GTPBP6: variants seen among roughly 807,000 people sequenced by gnomAD.
GTPBP6 encodes putative GTP-binding protein 6.
GTPBP6 carries 33 observed loss-of-function variants against 28.9 expected under a neutral mutation model. That is an observed-to-expected ratio of 1.14 (90% CI 0.87 to 1.53). The LOEUF is 1.53. GTPBP6 is among the 40% of genes most tolerant of loss of function. The probability of loss-of-function intolerance (pLI) is 0.00; values close to 1 mark genes in which losing one functional copy is unlikely to be tolerated. For synonymous variants in GTPBP6, 231 were observed against 192.7 expected (o/e 1.20, Z -1.65); for missense variants, 507 against 408.3 (o/e 1.24, Z -2.08).
chrX:313,697 A>C (rs1393099639), intron 5 of GTPBP6, among the ~76,000 whole-genome samples: 3 of 151,742 alleles, frequency 2.0e-5, no homozygotes, highest in Admixed American at 1.3e-4. Flanking sequence ...ACAGAGGAGG[A>C]GGCCACGTGG....
At chrX:313,010 C>T in intron 5 of GTPBP6, 86 bp from the exon 6 acceptor site, 1 of 1,205,928 alleles carries the variant, frequency 8.3e-7, no homozygotes, top group Non-Finnish European at 1.2e-6. Context: ...CTGCGGGGGC[C>T]CGGGGCCTGC....
chrX:312,691 C>T (rs1171561317), intron 6 of GTPBP6, 75 bp downstream of exon 6: 1 of 1,459,860 alleles, frequency 6.8e-7, no homozygotes, highest in Non-Finnish European at 9.4e-7. Context: ...ACAGGGACCC[C>T]CTGCCCTCCC....
Position 314,074 on chromosome X carries a change from A to G in GTPBP6, c.757+76T>C, listed in dbSNP as rs1876373059. 2.7e-6 allele frequency: 3 copies of G among 1,130,686 alleles called. No individual in the cohort carries two copies. In the South Asian group the frequency reaches 3.8e-5, roughly 14 times the overall value. 70.0% of individuals were successfully genotyped at this position (1,130,686 alleles called of 1,614,324 possible). A position where few individuals can be genotyped will look rare whatever the true frequency, so the allele number is the denominator to read the frequency against. On this transcript the variant is annotated intron_variant, in intron 5 of 9. Transcript: ENST00000326153. The stretch of plus-strand genomic sequence containing the variant: ...GGACCCCACCCTGTTGGAATCTTCC[A>G]GGGCTGAGAAGGGTGGCTGCCGCTG...
At chrX:311,249 C>A (rs1212975676) in intron 7 of GTPBP6, among the ~76,000 whole-genome samples, 170 bp downstream of exon 7, 1 of 84,956 alleles carries the variant, frequency 1.2e-5, no homozygotes, top group Non-Finnish European at 2.5e-5. Flanking sequence ...GTCCCCGTGC[C>A]CAGTGGGTGT....
At chrX:305,987 CCT>C (rs2070154202) in intron 9 of GTPBP6, among the ~76,000 whole-genome samples, 1 of 151,736 alleles carries the variant, frequency 6.6e-6, no homozygotes, top group African/African-American at 2.4e-5. Flanking sequence ...GCCTCAAACT[CCT>C]CTCAGCTCAA....
rs749064610 is a variant in GTPBP6, at chrX:314,231, G to T, written c.690-14C>A. On this transcript the variant is annotated splice_polypyrimidine_tract_variant and intron_variant, in intron 4 of 9. Transcript: ENST00000326153. ...TTCAAGTTCGACCTGGTGTGGGAACGGGAGTGGCTCGGTCTCTGCGGACGC... is the reference window on the plus strand; with the variant it reads ...TTCAAGTTCGACCTGGTGTGGGAACTGGAGTGGCTCGGTCTCTGCGGACGC... 2 of 1,610,384 alleles carry T rather than the reference G, an allele frequency of 1.2e-6. No individual in the cohort carries two copies. Among genetic ancestry groups the T allele is most frequent in the East Asian group, 4.5e-5 (2 of 44,844 alleles).
At chrX:313,444 G>C (rs904269822) in intron 5 of GTPBP6, among the ~76,000 whole-genome samples, 32 of 152,108 alleles carry the variant, frequency 2.1e-4, no homozygotes, top group African/African-American at 7.0e-4. Context: ...AGCTGGGAGA[G>C]GCAGGAAGGA....
At chrX:312,333 G>A (rs750027852) in intron 6 of GTPBP6, 201 of 467,956 alleles carry the variant, frequency 4.3e-4, no homozygotes, top group African/African-American at 3.7e-3. Context: ...TGGGGTAGTG[G>A]TGCTGGTGTA....
At chrX:311,655 G>C in intron 6 of GTPBP6, 28 bp from the exon 7 acceptor site, 1 of 1,557,966 alleles carries the variant, frequency 6.4e-7, no homozygotes, top group Non-Finnish European at 8.8e-7. Context: ...TCAGGGCGCT[G>C]CAGAGATCCC....
chrX:314,626 C>T (rs769347298), intron 4 of GTPBP6, among the ~76,000 whole-genome samples: 1 of 152,228 alleles, frequency 6.6e-6, no homozygotes, highest in African/African-American at 2.4e-5. Flanking sequence ...GCGCCCGCCA[C>T]CACGCCCGGC....
chrX:314,697 C>T (rs7191247), intron 4 of GTPBP6, among the ~76,000 whole-genome samples, 193 bp downstream of exon 4: 13,852 of 151,922 alleles, frequency 0.091, 1,946 homozygotes, highest in African/African-American at 0.3. Context: ...AGGATGGTCT[C>T]GATCTCGTGA....
At position 305,339 on chromosome X, in the gene GTPBP6, T is replaced by C. The variant is rs1373418651; in HGVS notation, c.1428-142A>G. The C allele has an allele frequency of 1.0e-5, 7 of 685,646 alleles. No homozygotes were observed. The Admixed American group carries it at 1.9e-4, about 19-fold the overall frequency. 42.5% of individuals were successfully genotyped at this position (685,646 alleles called of 1,614,324 possible). On this transcript the variant is annotated intron_variant, in intron 9 of 9. Coordinates refer to ENST00000326153, the Ensembl canonical transcript of GTPBP6. ...GTTTCCTTTTGTTTTTTTTTTTTTT[T>C]GAGACGGAGTCTCACTCTGTCGCGT...
At position 307,341 on chromosome X, in the gene GTPBP6, G is replaced by A. The variant is rs1273453717; in HGVS notation, c.1427+19C>T. 12 of 1,609,696 alleles carry A rather than the reference G, an allele frequency of 7.5e-6. No individual in the cohort carries two copies. Among genetic ancestry groups the A allele is most frequent in the Non-Finnish European group, 1.0e-5 (12 of 1,178,466 alleles). On this transcript the variant is annotated intron_variant, in intron 9 of 9. Coordinates refer to ENST00000326153, the Ensembl canonical transcript of GTPBP6. ...CATCCAAAGCACCATCCCGTCTCCT[G>A]CCCCTGCAGGCCGCTCACCTGAGCT...
exon 9 of GTPBP6, chrX:307,479 C>T: frequency 6.2e-7 from 1 of 1,611,324 alleles, no homozygotes; most frequent in Non-Finnish European, 8.5e-7. Flanking sequence ...GCAGGGCAGA[C>T]ACGGGCACGA....
At chrX:312,515 G>A in intron 6 of GTPBP6, 1 of 688,232 alleles carries the variant, frequency 1.5e-6, no homozygotes, top group Non-Finnish European at 2.7e-6. Flanking sequence ...GGAGGATGGG[G>A]TAGATGACAT....
chrX:314,643 T>C (rs1315120424), intron 4 of GTPBP6, among the ~76,000 whole-genome samples: 2 of 151,852 alleles, frequency 1.3e-5, no homozygotes, highest in Non-Finnish European at 2.9e-5. Flanking sequence ...CGGCTAATTT[T>C]TTTCTTGTAT....
At chrX:317,544 G>A (rs2070459518) in intron 1 of GTPBP6, among the ~76,000 whole-genome samples, 2 of 102,376 alleles carry the variant, frequency 2.0e-5, no homozygotes, top group Non-Finnish European at 3.5e-5. Context: ...TTATTCATTT[G>A]CATTTCCTCC....
exon 9 of GTPBP6, chrX:307,366 T>C (rs756814398): frequency 1.9e-6 from 3 of 1,611,922 alleles, no homozygotes; most frequent in Non-Finnish European, 2.5e-6. Flanking sequence ...TCACCTGAGC[T>C]GCGCCCCTGC....
At chrX:312,080 C>CGA in intron 6 of GTPBP6, 1 of 442,710 alleles carries the variant, frequency 2.3e-6, no homozygotes, top group South Asian at 1.7e-5. Flanking sequence ...AGAGGAGAGG[C>CGA]GATGGTGTAG....
Sources: gnomAD v4.1 joint callset for allele counts (sites outside exome capture counted in the v4.1 genomes callset) on GRCh38, gnomAD v4.1.1 for gene constraint, MANE v1.5 for transcripts, NCBI Gene and HGNC (gene_info 2026-07-23, HGNC 2026-07-21) for gene names.